CTTNBP2: variants seen among roughly 807,000 people sequenced by gnomAD.
The protein encoded by CTTNBP2 is cortactin binding protein 2, also known as cortactin-binding protein 2.
A neutral mutation model predicts 156.9 loss-of-function variants in CTTNBP2; 108 were observed. The observed-to-expected ratio is 0.69, with a 90% CI of 0.59 to 0.81. CTTNBP2 has a LOEUF of 0.81. Ranked by LOEUF, CTTNBP2 falls within the 30% of genes least tolerant of loss-of-function variation. CTTNBP2 has a pLI of 0.00. For missense variants in CTTNBP2, 1,924 were observed against 2,035.4 expected (o/e 0.95, Z 1.05); for synonymous variants, 767 against 751.8 (o/e 1.02, Z -0.33).
At chr7:117,768,565 CAAAA>C (rs747773487) in intron 8 of CTTNBP2, among the ~76,000 whole-genome samples, 1 of 55,546 alleles carries the variant, frequency 1.8e-5, no homozygotes, top group African/African-American at 5.7e-5. Flanking sequence ...GACTCTGTCT[CAAAA>C]AAAAAAAAAA....
chr7:117,870,604 T>C (rs985243336), intron 1 of CTTNBP2, among the ~76,000 whole-genome samples: 7 of 152,260 alleles, frequency 4.6e-5, no homozygotes, highest in Admixed American at 6.5e-5. Flanking sequence ...TTCCCAAATA[T>C]AGCTCTAAAA....
intron 2 of CTTNBP2, among the ~76,000 whole-genome samples, chr7:117,826,857 ATTATTATTAT>A (rs1345469847): frequency 6.8e-6 from 1 of 147,188 alleles, no homozygotes; most frequent in East Asian, 2.0e-4. Context: ...TATTATTATT[ATTATTATTAT>A]TATTATTATT....
intron 1 of CTTNBP2, among the ~76,000 whole-genome samples, chr7:117,866,501 C>A (rs1804209893): frequency 6.6e-6 from 1 of 152,218 alleles, no homozygotes; most frequent in Admixed American, 6.5e-5. Context: ...CCAAGAGCCT[C>A]TCTTCCAATT....
chr7:117,852,444 T>G (rs1253809277), intron 2 of CTTNBP2, among the ~76,000 whole-genome samples: 1 of 152,140 alleles, frequency 6.6e-6, no homozygotes, highest in Non-Finnish European at 1.5e-5. Flanking sequence ...TGTGTCCTTG[T>G]GTATTTCAGA....
At chr7:117,820,063 A>G (rs1032933244) in intron 2 of CTTNBP2, among the ~76,000 whole-genome samples, 5 of 152,214 alleles carry the variant, frequency 3.3e-5, no homozygotes, top group Non-Finnish European at 1.5e-5. Context: ...GCCACTTACC[A>G]CCTTGCACAC....
Position 117,832,737 on chromosome 7 carries a change from C to CTTT in CTTNBP2, c.190-21751_190-21749dup, listed in dbSNP as rs927988376. ...AATCTATAGCCCTTCATTCATCAAC[C>CTTT]TTTTTTTTTTTTTTTTTTTTTTTTT... On this transcript the variant is annotated intron_variant, in intron 2 of 22. Transcript: ENST00000160373. 5.9e-4 allele frequency among the ~76,000 whole-genome samples: 67 copies of CTTT among 112,974 alleles called. 2 individuals are homozygous for CTTT. The highest frequency in any genetic ancestry group is 7.9e-4 in the Non-Finnish European group (45 of 56,928). 74.1% of individuals were successfully genotyped at this position (112,974 alleles called of 152,430 possible).
At chr7:117,858,472 C>T (rs1208754971) in intron 2 of CTTNBP2, among the ~76,000 whole-genome samples, 1 of 152,224 alleles carries the variant, frequency 6.6e-6, no homozygotes, top group African/African-American at 2.4e-5. Context: ...CTTATGCATG[C>T]CATATCTGTG....
At chr7:117,744,010 T>C (rs1370075217) in intron 14 of CTTNBP2, among the ~76,000 whole-genome samples, 2 of 152,042 alleles carry the variant, frequency 1.3e-5, no homozygotes, top group East Asian at 3.9e-4. Flanking sequence ...CCTCTTAATT[T>C]CATTTCTTTT....
intron 10 of CTTNBP2, 57 bp downstream of exon 10, chr7:117,760,378 A>T: frequency 6.5e-7 from 1 of 1,544,844 alleles, no homozygotes; most frequent in Non-Finnish European, 8.9e-7. Context: ...TATGAAACCC[A>T]CAAACATAAA....
intron 4 of CTTNBP2, among the ~76,000 whole-genome samples, chr7:117,790,499 C>T (rs28622152): frequency 0.049 from 7,447 of 151,800 alleles, 283 homozygotes; most frequent in African/African-American, 0.091. Context: ...CATCTGTGCC[C>T]GAGTGTTGGA....
At chr7:117,770,356 G>A (rs1042072262) in intron 8 of CTTNBP2, among the ~76,000 whole-genome samples, 5 of 152,202 alleles carry the variant, frequency 3.3e-5, no homozygotes, top group African/African-American at 1.2e-4. Context: ...AAGCATGAAT[G>A]TCAGTCCCCA....
chr7:117,805,829 C>A (rs1298345680), intron 3 of CTTNBP2, among the ~76,000 whole-genome samples: 1 of 152,134 alleles, frequency 6.6e-6, no homozygotes, highest in Non-Finnish European at 1.5e-5. Flanking sequence ...CACATTATCA[C>A]AAGCAATGTC....
At chr7:117,726,183 A>G (rs1795086919) in intron 17 of CTTNBP2, among the ~76,000 whole-genome samples, 2 of 152,230 alleles carry the variant, frequency 1.3e-5, no homozygotes, top group South Asian at 4.1e-4. Flanking sequence ...TCCATCAAAA[A>G]AAGATTATGC....
intron 2 of CTTNBP2, among the ~76,000 whole-genome samples, chr7:117,820,330 C>A (rs1165829958): frequency 6.6e-6 from 1 of 152,188 alleles, no homozygotes; most frequent in African/African-American, 2.4e-5. Context: ...CTATTTCTGC[C>A]CTGGGCACTG....
At chr7:117,812,517 T>G (rs913387190) in intron 2 of CTTNBP2, among the ~76,000 whole-genome samples, 1 of 152,064 alleles carries the variant, frequency 6.6e-6, no homozygotes, top group African/African-American at 2.4e-5. Flanking sequence ...AACATTTCTT[T>G]CCTTATCATC....
chr7:117,861,967 C>T (rs1803785264), intron 1 of CTTNBP2, among the ~76,000 whole-genome samples: 1 of 151,996 alleles, frequency 6.6e-6, no homozygotes, highest in African/African-American at 2.4e-5. Flanking sequence ...TTCATATTTC[C>T]TCAGGGCAAT....
chr7:117,788,316 A>G lies in CTTNBP2; in HGVS notation c.2068+2812T>C, dbSNP rs181298616. Among the ~76,000 whole-genome samples, 5 of 152,282 alleles carry G rather than the reference A, an allele frequency of 3.3e-5. No homozygotes were observed. In the East Asian group the frequency reaches 9.7e-4, roughly 29 times the overall value. On this transcript the variant is annotated intron_variant, in intron 4 of 22. Transcript: ENST00000160373. ...TGAAAAAGCTAATGGCTCAGAGGGA[A>G]TTAGCTCTCTAGGGTGATACTTAGA... is the stretch of plus-strand genomic sequence containing the variant.
In CTTNBP2 at chr7:117,736,285, C is replaced by A. The variant is rs1795683361; in HGVS notation, c.3536-864G>T. Among the ~76,000 whole-genome samples, 5 of 152,104 alleles carry A rather than the reference C, an allele frequency of 3.3e-5. No homozygotes were observed. The South Asian group carries it at 1.0e-3, about 32-fold the overall frequency. ...GCCTGGGCAACATGGTGAAACCCTG[C>A]CTGTACAAAAAATACAAAAAATTAG... On this transcript the variant is annotated intron_variant, in intron 14 of 22. Transcript: ENST00000160373.
Position 117,791,794 on chromosome 7 carries a change from T to C in CTTNBP2, c.1402A>G (p.Ser468Gly), listed in dbSNP as rs760742759. Residue 468 changes from serine to glycine, a missense_variant, in exon 4 of 23, where the codon AGT becomes GGT. Coordinates refer to ENST00000160373, the MANE Select transcript of CTTNBP2 (RefSeq NM_033427.3). ...DPDQNGNTTQ[S>G]PPSRDVSPTS... ...GGCGAGACATCTCTTGACGGAGGAC[T>C]TTGGGTAGTATTTCCATTTTGGTCT... 1 of 1,614,170 alleles carries C rather than the reference T, an allele frequency of 6.2e-7. No homozygotes were observed. The highest frequency in any genetic ancestry group is 8.5e-7 in the Non-Finnish European group (1 of 1,180,044).
Sources: allele counts gnomAD v4.1 joint callset (sites outside exome capture counted in the v4.1 genomes callset), GRCh38; gene constraint gnomAD v4.1.1; transcripts MANE v1.5; gene names NCBI Gene and HGNC (gene_info 2026-07-23, HGNC 2026-07-21).